CCDC7: variants seen among roughly 807,000 people sequenced by gnomAD.
CCDC7 encodes coiled-coil domain containing 7, also known as coiled-coil domain-containing protein 7.
CCDC7 carries 183 observed loss-of-function variants against 196.9 expected under a neutral mutation model. That is an observed-to-expected ratio of 0.93 (90% confidence interval 0.82 to 1.05). The LOEUF (loss-of-function observed/expected upper bound fraction) is 1.05. CCDC7 is among the 50% of genes least tolerant of loss of function. CCDC7 has a pLI of 0.00. For synonymous variants in CCDC7, 525 were observed against 484.6 expected (o/e 1.08, Z -1.10); for missense variants, 1,540 against 1,482.2 (o/e 1.04, Z -0.64).
chr10:32,489,547 C>G (rs2041830735), intron 8 of CCDC7, among the ~76,000 whole-genome samples: 1 of 152,142 alleles, frequency 6.6e-6, no homozygotes, highest in Admixed American at 6.5e-5. Flanking sequence ...GCTCTGGTGA[C>G]TATATTATAC....
At chr10:32,556,824 T>C (rs1038398048) in intron 13 of CCDC7, among the ~76,000 whole-genome samples, 1 of 152,238 alleles carries the variant, frequency 6.6e-6, no homozygotes, top group Non-Finnish European at 1.5e-5. Flanking sequence ...TAATGTTTTC[T>C]TTCTAATTAT....
intron 11 of CCDC7, among the ~76,000 whole-genome samples, chr10:32,540,898 C>A (rs558459749): frequency 6.6e-6 from 1 of 152,016 alleles, no homozygotes; most frequent in African/African-American, 2.4e-5. Flanking sequence ...GTATATTTCC[C>A]GGATTTGAAT....
intron 16 of CCDC7, among the ~76,000 whole-genome samples, chr10:32,575,934 C>T (rs1317410130): frequency 6.6e-6 from 1 of 152,162 alleles, no homozygotes. Flanking sequence ...GTAGAACCAA[C>T]ATCCTAATAA....
At chr10:32,484,830 G>C (rs1032448761) in intron 8 of CCDC7, among the ~76,000 whole-genome samples, 1 of 152,188 alleles carries the variant, frequency 6.6e-6, no homozygotes, top group African/African-American at 2.4e-5. Context: ...AACCAGCCTT[G>C]CATCCCAGGG....
Position 32,494,154 on chromosome 10 carries a change from A to C in CCDC7, c.872+2157A>C, listed in dbSNP as rs563812085. ...AGTTTTCACCCTGTTTTCTTCAAGT[A>C]GTTTTACAGTTTCAGGTTTTACGTT... is the stretch of plus-strand genomic sequence containing the variant. On this transcript the variant is annotated intron_variant, in intron 9 of 41. Transcript: ENST00000639629. 5.9e-5 allele frequency among the ~76,000 whole-genome samples: 9 copies of C among 152,274 alleles called. No homozygotes were observed. The South Asian group carries it at 1.9e-3, about 32-fold the overall frequency.
chr10:32,500,143 G>A (rs979176308), intron 9 of CCDC7, among the ~76,000 whole-genome samples: 5 of 152,160 alleles, frequency 3.3e-5, no homozygotes, highest in Non-Finnish European at 4.4e-5. Flanking sequence ...GGTGGTGGCC[G>A]GGCAGAGGGG....
At chr10:32,673,934 T>C (rs2140852643) in intron 21 of CCDC7, among the ~76,000 whole-genome samples, 1 of 152,162 alleles carries the variant, frequency 6.6e-6, no homozygotes, top group Non-Finnish European at 1.5e-5. Flanking sequence ...TGATCTTTTC[T>C]CATTTCCATG....
At chr10:32,878,404 A>T (rs2094667738), downstream of CCDC7, among the ~76,000 whole-genome samples, 1 of 152,100 alleles carries the variant, frequency 6.6e-6, no homozygotes, top group Non-Finnish European at 1.5e-5. Flanking sequence ...GACTGGTTCA[A>T]CTAAAAATAG....
chr10:32,736,876 G>C (rs756527637), intron 28 of CCDC7, among the ~76,000 whole-genome samples: 16 of 152,004 alleles, frequency 1.1e-4, no homozygotes, highest in Non-Finnish European at 2.2e-4. Context: ...TACTGCATTA[G>C]TTAGGACTTC....
chr10:32,505,820 T>A (rs2947088), intron 9 of CCDC7, among the ~76,000 whole-genome samples: 2 of 142,286 alleles, frequency 1.4e-5, no homozygotes, highest in Non-Finnish European at 1.6e-5. Context: ...GGGCAGAGGC[T>A]CTCCTCACTT....
chr10:32,598,184 C>G (rs895849429), intron 18 of CCDC7, among the ~76,000 whole-genome samples: 4 of 152,152 alleles, frequency 2.6e-5, no homozygotes, highest in African/African-American at 9.7e-5. Flanking sequence ...CTTTGTTTAC[C>G]TATTCAAGCC....
At chr10:32,597,252 TG>T (rs2060482984) in intron 18 of CCDC7, among the ~76,000 whole-genome samples, 1 of 151,012 alleles carries the variant, frequency 6.6e-6, no homozygotes, top group South Asian at 2.1e-4. Context: ...CTAAACTTCT[TG>T]CTTCATTTCA....
intron 33 of CCDC7, 95 bp downstream of exon 34, chr10:32,834,993 T>C (rs2092490966): frequency 3.8e-6 from 2 of 519,812 alleles, no homozygotes; most frequent in Non-Finnish European, 7.0e-6. Flanking sequence ...TGTAAGTTAT[T>C]ACATGCGAAA....
chr10:32,819,095 A>C (rs1565602777), intron 31 of CCDC7, among the ~76,000 whole-genome samples: 3 of 152,202 alleles, frequency 2.0e-5, no homozygotes, highest in Non-Finnish European at 1.5e-5. Context: ...AAAGGAGAGA[A>C]GAATCAAATA....
chr10:32,751,212 TTATC>T (rs1414864414), intron 28 of CCDC7, among the ~76,000 whole-genome samples: 1 of 151,870 alleles, frequency 6.6e-6, no homozygotes, highest in Non-Finnish European at 1.5e-5. Context: ...AGTCCTCTAT[TTATC>T]TAGTATTTTG....
At chr10:32,560,857 A>G (rs1411509802) in intron 13 of CCDC7, among the ~76,000 whole-genome samples, 4 of 152,284 alleles carry the variant, frequency 2.6e-5, no homozygotes, top group South Asian at 2.1e-4. Flanking sequence ...AAATGCTCCA[A>G]TTAAAAGACA....
intron 28 of CCDC7, among the ~76,000 whole-genome samples, chr10:32,730,424 A>C (rs2083765450): frequency 6.6e-6 from 1 of 151,880 alleles, no homozygotes; most frequent in African/African-American, 2.4e-5. Flanking sequence ...ATCATCATAC[A>C]TTTTTCCTTA....
chr10:32,735,695 T>A (rs2084747230), intron 28 of CCDC7, among the ~76,000 whole-genome samples: 1 of 152,194 alleles, frequency 6.6e-6, no homozygotes, highest in Non-Finnish European at 1.5e-5. Context: ...AACTTATCAA[T>A]TTTTTATTCA....
At chr10:32,849,555 T>C (rs1405671994) in intron 39 of CCDC7, among the ~76,000 whole-genome samples, 1 of 151,676 alleles carries the variant, frequency 6.6e-6, no homozygotes, top group Non-Finnish European at 1.5e-5. Flanking sequence ...ATACAAAAAT[T>C]AGCTGGGCAT....
Sources: gnomAD v4.1 joint callset for allele counts (sites outside exome capture counted in the v4.1 genomes callset) on GRCh38, gnomAD v4.1.1 for gene constraint, MANE v1.5 for transcripts, NCBI Gene and HGNC (gene_info 2026-07-23, HGNC 2026-07-21) for gene names.